The following HIVEP1 variants were observed in gnomAD, a reference collection of about 807,000 sequenced individuals.
HIVEP1 encodes the protein HIVEP zinc finger 1.
Under a neutral mutation model 180.0 loss-of-function variants are expected in HIVEP1, and 36 were observed. That is an observed-to-expected ratio of 0.20 (90% CI 0.15 to 0.26). The LOEUF (loss-of-function observed/expected upper bound fraction) is 0.26. Among genes scored for constraint, HIVEP1 ranks in the 10% least tolerant of loss-of-function variants. HIVEP1 has a pLI of 1.00. For synonymous variants in HIVEP1, 1,239 were observed against 1,239.0 expected, an observed-to-expected ratio of 1.00 and a Z score of 0.00; for missense variants, 3,143 against 3,268.7, an observed-to-expected ratio of 0.96 and a Z score of 0.94.
At chr6:12,079,966 A>G (rs1772665670) in intron 2 of HIVEP1, among the ~76,000 whole-genome samples, 2 of 151,802 alleles carry the variant, frequency 1.3e-5, no homozygotes, top group Admixed American at 1.3e-4. Context: ...CTATCTATCT[A>G]TCTATCTATC....
chr6:12,043,548 G>C (rs567496962), intron 2 of HIVEP1, among the ~76,000 whole-genome samples: 149 of 151,978 alleles, frequency 9.8e-4, no homozygotes, highest in Admixed American at 2.7e-3. Flanking sequence ...TGTATTTTTG[G>C]TAGAGCCGGG....
chr6:12,025,813 G>A (rs1768544247), intron 2 of HIVEP1, among the ~76,000 whole-genome samples: 1 of 152,214 alleles, frequency 6.6e-6, no homozygotes, highest in African/African-American at 2.4e-5. Context: ...GCCGAAGCAG[G>A]TGGATCACCT....
At chr6:12,181,689 T>G in the HIVEP1 span, among the ~76,000 whole-genome samples, 1 of 152,184 alleles carries the variant, frequency 6.6e-6, no homozygotes, top group Admixed American at 6.5e-5. Flanking sequence ...GACACCCAAA[T>G]GCTGAAACAT....
At chr6:12,026,667 C>A (rs762226860) in intron 2 of HIVEP1, among the ~76,000 whole-genome samples, 4 of 152,158 alleles carry the variant, frequency 2.6e-5, no homozygotes, top group Non-Finnish European at 5.9e-5. Flanking sequence ...GAAGATCGTT[C>A]GGTGGCTAGG....
intron 3 of HIVEP1, among the ~76,000 whole-genome samples, chr6:12,101,260 G>T (rs940268898): frequency 3.3e-5 from 5 of 152,172 alleles, no homozygotes; most frequent in African/African-American, 1.2e-4. Context: ...TTATTGAAAA[G>T]GCAAATAAGA....
At chr6:12,186,748 A>G in the HIVEP1 span, among the ~76,000 whole-genome samples, 1 of 152,174 alleles carries the variant, frequency 6.6e-6, no homozygotes, top group South Asian at 2.1e-4. Flanking sequence ...CAAAGAAGCA[A>G]GAAAATGTGA....
chr6:12,176,010 T>G, the HIVEP1 span, among the ~76,000 whole-genome samples: 5,711 of 152,224 alleles, frequency 0.038, 108 homozygotes, highest in Non-Finnish European at 0.045. Flanking sequence ...CAAAGAAGCC[T>G]CCTGAGGCTG....
At chr6:12,119,667 GCA>G (rs1334864651) in intron 3 of HIVEP1, among the ~76,000 whole-genome samples, 6 of 152,334 alleles carry the variant, frequency 3.9e-5, no homozygotes, top group Admixed American at 3.3e-4. Context: ...TTCTAGAAAT[GCA>G]CACTTAGGTC....
At chr6:12,131,655 G>T (rs985330394) in intron 6 of HIVEP1, among the ~76,000 whole-genome samples, 3 of 150,742 alleles carry the variant, frequency 2.0e-5, no homozygotes, top group African/African-American at 7.3e-5. Flanking sequence ...TGCTTCCTCC[G>T]TCAGGCTCCT....
chr6:12,117,907 A>G (rs1775319034), intron 3 of HIVEP1, among the ~76,000 whole-genome samples: 1 of 152,236 alleles, frequency 6.6e-6, no homozygotes, highest in East Asian at 1.9e-4. Context: ...GTTGATGAGC[A>G]TCATTTTTCA....
the HIVEP1 span, among the ~76,000 whole-genome samples, chr6:12,190,787 T>G: frequency 1.5e-4 from 23 of 152,178 alleles, no homozygotes; most frequent in African/African-American, 5.1e-4. Flanking sequence ...TGTCGACACC[T>G]GTAAGAGTAC....
intron 2 of HIVEP1, among the ~76,000 whole-genome samples, chr6:12,021,556 A>G (rs1376425228): frequency 6.6e-6 from 1 of 152,156 alleles, no homozygotes; most frequent in East Asian, 1.9e-4. Flanking sequence ...TTGTACTTAC[A>G]ATATTACATC....
chr6:12,020,572 A>G (rs1213036992), intron 2 of HIVEP1, among the ~76,000 whole-genome samples: 1 of 152,082 alleles, frequency 6.6e-6, no homozygotes, highest in African/African-American at 2.4e-5. Flanking sequence ...AGGGGGTTCC[A>G]TGCCTCTTCC....
At chr6:12,113,054 A>T (rs115218528) in intron 3 of HIVEP1, among the ~76,000 whole-genome samples, 1 of 151,718 alleles carries the variant, frequency 6.6e-6, no homozygotes, top group African/African-American at 2.4e-5. Context: ...CTCTGCTTAC[A>T]CGCTTGGGGC....
intron 2 of HIVEP1, among the ~76,000 whole-genome samples, chr6:12,081,925 GT>G (rs1772814602): frequency 6.6e-6 from 1 of 152,048 alleles, no homozygotes; most frequent in South Asian, 2.1e-4. Context: ...AACACCACCA[GT>G]GGCCTCTTAA....
At chr6:12,157,645 C>T (rs1178190087) in intron 7 of HIVEP1, among the ~76,000 whole-genome samples, 1 of 152,116 alleles carries the variant, frequency 6.6e-6, no homozygotes, top group African/African-American at 2.4e-5. Flanking sequence ...TTTACACATT[C>T]AGGTATCTTT....
At chr6:12,059,711 A>G (rs1390465134) in intron 2 of HIVEP1, among the ~76,000 whole-genome samples, 2 of 152,012 alleles carry the variant, frequency 1.3e-5, no homozygotes, top group Non-Finnish European at 2.9e-5. Context: ...ATTCACCTCT[A>G]GTCCCTCTGG....
chr6:12,053,922 A>T (rs1353740953), intron 2 of HIVEP1, among the ~76,000 whole-genome samples: 5 of 152,272 alleles, frequency 3.3e-5, no homozygotes, highest in Non-Finnish European at 7.3e-5. Context: ...GAATATGACA[A>T]ATAGGATAAC....
chr6:12,170,975 A>G, the HIVEP1 span, among the ~76,000 whole-genome samples: 1 of 152,190 alleles, frequency 6.6e-6, no homozygotes, highest in Non-Finnish European at 1.5e-5. Flanking sequence ...TAGAGGAAAC[A>G]TTTGTTGATG....
Sources: allele counts gnomAD v4.1 joint callset (sites outside exome capture counted in the v4.1 genomes callset), GRCh38; gene constraint gnomAD v4.1.1; transcripts MANE v1.5; gene names NCBI Gene and HGNC (gene_info 2026-07-23, HGNC 2026-07-21).